Variants in RRP12 observed in about 807,000 individuals in gnomAD.
RRP12 encodes the protein RRP12-like protein.
In RRP12, 78 loss-of-function variants were observed where a neutral mutation model predicts 157.3. The observed-to-expected ratio is 0.50, with a 90% CI of 0.41 to 0.60. RRP12 has a LOEUF of 0.60. RRP12 is among the 20% of genes least tolerant of loss of function. The pLI is 0.00. For synonymous variants in RRP12, 726 were observed against 670.9 expected (o/e 1.08, Z -1.27); for missense variants, 1,521 against 1,679.9 (o/e 0.91, Z 1.65).
chr10:97,380,256 C>T (rs1354208184), intron 13 of RRP12, among the ~76,000 whole-genome samples: 2 of 152,082 alleles, frequency 1.3e-5, no homozygotes, highest in African/African-American at 4.8e-5. Flanking sequence ...TCCTTTTTTC[C>T]AGCAATGGGA....
Position 97,379,718 on chromosome 10 carries a change from G to A in RRP12, c.1586C>T (p.Ala529Val), listed in dbSNP as rs137873452. 5.8e-5 allele frequency: 94 copies of A among 1,613,878 alleles called. 2 individuals carry two copies. In the South Asian group the frequency reaches 6.3e-4, roughly 11 times the overall value. ...AGCCCCCACTGCCTGGTCAAGAGCC[G>A]CCGTGTGGGGGAAATGAGGGGAGAG... ...LRLSPHFPHT[A>V]ALDQAVGAAV... Residue 529 changes from alanine (A) to valine (V), a missense_variant, in exon 14 of 34, where the codon GCG becomes GTG. Coordinates refer to ENST00000370992, the MANE Select transcript of RRP12 (RefSeq NM_015179.4).
chr10:97,365,766 TAAAA>T (rs541108198), intron 29 of RRP12: 44 of 171,816 alleles, frequency 2.6e-4, no homozygotes, highest in Middle Eastern at 2.2e-3. Flanking sequence ...AAGTTTGCAT[TAAAA>T]AAAAAAAAAA....
intron 10 of RRP12, among the ~76,000 whole-genome samples, chr10:97,382,731 A>G (rs1409561634): frequency 1.3e-5 from 2 of 151,470 alleles, no homozygotes; most frequent in Admixed American, 6.6e-5. Flanking sequence ...TTCTTTCCAT[A>G]TAAGTGCACA....
At chr10:97,362,105 CA>C (rs11293071) in intron 30 of RRP12, among the ~76,000 whole-genome samples, 8,760 of 95,086 alleles carry the variant, frequency 0.092, 786 homozygotes, top group African/African-American at 0.28. Context: ...GACTTCATCT[CA>C]AAAAAAAAAA....
chr10:97,385,634 A>G (rs529724729), intron 9 of RRP12, among the ~76,000 whole-genome samples: 2 of 152,256 alleles, frequency 1.3e-5, no homozygotes, highest in African/African-American at 2.4e-5. Flanking sequence ...CAAGGTATCT[A>G]TGAGCACCAC....
rs1294826875 is a variant in RRP12, at chr10:97,400,170, T to C, written c.369+135A>G. 3 of 705,638 alleles carry C rather than the reference T, an allele frequency of 4.3e-6. No individual in the cohort carries two copies. The African/African-American group carries it at 5.3e-5, about 13-fold the overall frequency. The allele number at this position is 705,638 out of a possible 1,614,324, so 43.7% of individuals were successfully genotyped here. On this transcript the variant is annotated intron_variant, in intron 2 of 33. Transcript: ENST00000370992. ...GTAGAACCTGCCCTAGGAGGAGACA[T>C]AAAGGGGAGGAGCGATGACGCATCA... is the stretch of plus-strand genomic sequence containing the variant.
intron 3 of RRP12, among the ~76,000 whole-genome samples, chr10:97,394,605 G>A (rs965574752): frequency 6.6e-6 from 1 of 152,056 alleles, no homozygotes; most frequent in Non-Finnish European, 1.5e-5. Context: ...GCACAGGCTG[G>A]TGTCGAACTC....
At chr10:97,400,897 T>G (rs532758754) in intron 1 of RRP12, among the ~76,000 whole-genome samples, 196 bp downstream of exon 1, 1 of 152,242 alleles carries the variant, frequency 6.6e-6, no homozygotes, top group Non-Finnish European at 1.5e-5. Context: ...ACAAGACATT[T>G]CCCTACTGCG....
chr10:97,398,024 T>C (rs1307765578), intron 2 of RRP12, among the ~76,000 whole-genome samples: 24 of 49,818 alleles, frequency 4.8e-4, no homozygotes, highest in Non-Finnish European at 8.7e-4. Context: ...TATATATATG[T>C]ATATATATAT....
In RRP12 at chr10:97,370,701, C is replaced by T. The variant is rs746802518; in HGVS notation, c.2583+15G>A. On this transcript the variant is annotated intron_variant, in intron 22 of 33. Coordinates refer to ENST00000370992, the MANE Select transcript of RRP12 (RefSeq NM_015179.4). ...ATTCCAGGGACCCCCCTCTAAAACACACCCGCACACTCACCTCTGGGATGA... is the reference window on the plus strand; with the variant it reads ...ATTCCAGGGACCCCCCTCTAAAACATACCCGCACACTCACCTCTGGGATGA... The T allele has an allele frequency of 5.0e-6, 8 of 1,613,850 alleles. No homozygotes were observed. Among genetic ancestry groups the T allele is most frequent in the South Asian group, 4.4e-5 (4 of 91,074 alleles).
chr10:97,370,614 C>A (rs974498425), intron 22 of RRP12, 54 bp from the exon 23 acceptor site: 1 of 1,584,188 alleles, frequency 6.3e-7, no homozygotes, highest in African/African-American at 1.3e-5. Context: ...GCCCGGGAAG[C>A]GAATCGAGTC....
chr10:97,392,626 G>A (rs1051588253), intron 4 of RRP12, among the ~76,000 whole-genome samples: 9 of 152,040 alleles, frequency 5.9e-5, no homozygotes, highest in Admixed American at 6.6e-5. Context: ...TGGGATTACA[G>A]GTATGAGCCA....
intron 2 of RRP12, among the ~76,000 whole-genome samples, chr10:97,397,453 C>T (rs1235720734): frequency 1.3e-5 from 2 of 152,026 alleles, no homozygotes; most frequent in Non-Finnish European, 2.9e-5. Flanking sequence ...TGAGCCACCT[C>T]GCCTGGTATA....
Position 97,385,247 on chromosome 10 carries a change from T to A in RRP12, c.1127A>T (p.Asp376Val), listed in dbSNP as rs1251636354. 1 of 1,613,756 alleles carries A rather than the reference T, an allele frequency of 6.2e-7. No individual in the cohort carries two copies. Among genetic ancestry groups the A allele is most frequent in the African/African-American group, 1.3e-5 (1 of 75,020 alleles). The change falls in exon 10 of 34, where the codon GAC (aspartate) becomes GTC (valine). Residue 376 changes from aspartate to valine, a missense_variant. Transcript: ENST00000370992. Reference protein sequence around the residue: ...LNAQIITALYDYVPSENDLQP... With the variant: ...LNAQIITALYVYVPSENDLQP... ...TAAATCATTCTCACTGGGAACATAG[T>A]CGTACAGGGCCTAAAAGTGGGAATA...
chr10:97,377,144 T>C (rs965297161), intron 15 of RRP12, among the ~76,000 whole-genome samples: 1 of 151,216 alleles, frequency 6.6e-6, no homozygotes, highest in Non-Finnish European at 1.5e-5. Flanking sequence ...CCTCCCCGAG[T>C]GCTAGGATTA....
At chr10:97,391,197 C>T (rs1844793755) in intron 4 of RRP12, among the ~76,000 whole-genome samples, 1 of 152,208 alleles carries the variant, frequency 6.6e-6, no homozygotes, top group South Asian at 2.1e-4. Flanking sequence ...AACACTCACA[C>T]TCCCTGGTAT....
intron 20 of RRP12, chr10:97,371,840 AAG>A: frequency 4.4e-6 from 2 of 455,796 alleles, no homozygotes; most frequent in Non-Finnish European, 8.0e-6. Context: ...TTGGTTCTAC[AAG>A]AGTCACTCAG....
chr10:97,400,220 C>T (rs1218138103), intron 2 of RRP12, 85 bp downstream of exon 2: 5 of 975,550 alleles, frequency 5.1e-6, no homozygotes, highest in East Asian at 2.4e-5. Flanking sequence ...CTGTTGTCAT[C>T]GGAGACCTGT....
At chr10:97,384,643 C>T (rs1297350283) in intron 10 of RRP12, among the ~76,000 whole-genome samples, 4 of 150,680 alleles carry the variant, frequency 2.7e-5, no homozygotes, top group African/African-American at 9.8e-5. Context: ...ATCTCGGCAG[C>T]CTGGACAGAG....
Sources: allele counts gnomAD v4.1 joint callset (sites outside exome capture counted in the v4.1 genomes callset), GRCh38; gene constraint gnomAD v4.1.1; transcripts MANE v1.5; gene names NCBI Gene and HGNC (gene_info 2026-07-23, HGNC 2026-07-21).